Variants in CSMD2 observed in about 807,000 individuals in gnomAD.
CSMD2 encodes the protein CUB and sushi domain-containing protein 2.
A neutral mutation model predicts 398.5 loss-of-function variants in CSMD2; 130 were observed. The observed-to-expected ratio is 0.33, with a 90% CI of 0.28 to 0.38. The LOEUF is 0.38. Ranked by LOEUF, CSMD2 falls within the 10% of genes least tolerant of loss-of-function variation. CSMD2 has a pLI of 1.00. For missense variants in CSMD2, 3,829 were observed against 4,764.9 expected (o/e 0.80, Z 5.78); for synonymous variants, 1,828 against 1,908.5 (o/e 0.96, Z 1.10).
At chr1:34,070,590 C>T (rs1049749023) in intron 2 of CSMD2, among the ~76,000 whole-genome samples, 2 of 152,188 alleles carry the variant, frequency 1.3e-5, no homozygotes, top group Non-Finnish European at 2.9e-5. Context: ...AACAATCAAA[C>T]GGAATTGAGA....
intron 3 of CSMD2, among the ~76,000 whole-genome samples, chr1:33,943,737 G>A (rs927050849): frequency 4.6e-5 from 7 of 152,114 alleles, no homozygotes; most frequent in Non-Finnish European, 7.4e-5. Flanking sequence ...TGTTGTAATT[G>A]TTTCTTTAGG....
intron 15 of CSMD2, among the ~76,000 whole-genome samples, chr1:33,734,559 G>A (rs1038403213): frequency 2.0e-5 from 3 of 152,074 alleles, no homozygotes; most frequent in Admixed American, 6.5e-5. Context: ...GGCCGAGGCT[G>A]GAAGATCATG....
At chr1:33,566,266 T>C (rs1299622649) in intron 53 of CSMD2, among the ~76,000 whole-genome samples, 1 of 148,830 alleles carries the variant, frequency 6.7e-6, no homozygotes. Flanking sequence ...CTAGTAAAAA[T>C]ATTAGACTTT....
At chr1:33,585,492 T>C (rs1639021427) in intron 46 of CSMD2, among the ~76,000 whole-genome samples, 1 of 152,132 alleles carries the variant, frequency 6.6e-6, no homozygotes, top group Non-Finnish European at 1.5e-5. Flanking sequence ...CTCACTGACT[T>C]TTCCCAATAG....
At position 33,755,972 on chromosome 1, in the gene CSMD2, G is replaced by A. The variant is rs184285684; in HGVS notation, c.1847-12366C>T. ...CTTGGACAGGTAGAACTTGAGCATC[G>A]GTGTTCTGAGACAAATTAGAAGGGC... On this transcript the variant is annotated intron_variant, in intron 13 of 70. Coordinates refer to ENST00000373381, the MANE Select transcript of CSMD2 (RefSeq NM_001281956.2). Among the ~76,000 whole-genome samples the A allele has an allele frequency of 2.6e-3, 389 of 151,926 alleles. 1 individual carries two copies. The highest frequency in any genetic ancestry group is 4.2e-3 in the Non-Finnish European group (284 of 67,984).
intron 55 of CSMD2, 85 bp downstream of exon 55, chr1:33,557,648 AC>A (rs1658148351): frequency 1.7e-6 from 2 of 1,154,312 alleles, no homozygotes; most frequent in African/African-American, 1.5e-5. Flanking sequence ...ACACACACAC[AC>A]ACACACACAC....
At chr1:33,754,461 C>T (rs1297038779) in intron 13 of CSMD2, among the ~76,000 whole-genome samples, 2 of 152,186 alleles carry the variant, frequency 1.3e-5, no homozygotes, top group Non-Finnish European at 2.9e-5. Context: ...GGTGCCATGC[C>T]TGTACAGCCT....
At chr1:33,881,633 C>T (rs1641246520) in intron 5 of CSMD2, among the ~76,000 whole-genome samples, 2 of 152,050 alleles carry the variant, frequency 1.3e-5, no homozygotes, top group African/African-American at 2.4e-5. Context: ...GGGATGGAGT[C>T]GGATTATAAA....
Position 34,151,148 on chromosome 1 carries a change from C to T in CSMD2, c.187+13763G>A, listed in dbSNP as rs1379848412. 4.6e-5 allele frequency among the ~76,000 whole-genome samples: 7 copies of T among 152,144 alleles called. No homozygotes were observed. In the East Asian group the frequency reaches 1.4e-3, roughly 29 times the overall value. ...CTGGCACCTTCTGAATGAAGTCTTC[C>T]TTCTTCCCCTCTCCCCCTCTGCTGT... is the stretch of plus-strand genomic sequence containing the variant. On this transcript the variant is annotated intron_variant, in intron 1 of 70. Coordinates refer to ENST00000373381, the MANE Select transcript of CSMD2 (RefSeq NM_001281956.2).
At chr1:33,864,033 A>G (rs1032300048) in intron 5 of CSMD2, 3 of 661,006 alleles carry the variant, frequency 4.5e-6, no homozygotes, top group Non-Finnish European at 7.7e-6. Flanking sequence ...CTGACTCAAC[A>G]ATGCCATCAG....
At position 33,671,218 on chromosome 1, in the gene CSMD2, G is replaced by A. The variant is rs200311844; in HGVS notation, c.4053-8126C>T. On this transcript the variant is annotated intron_variant, in intron 25 of 70. Transcript: ENST00000373381. ...TTCTCCTAGTGAGAGCAGTTTCCTT[G>A]GTGCTGGGGCAGGGCTGAGGGCAGT... 3.9e-5 allele frequency among the ~76,000 whole-genome samples: 6 copies of A among 152,330 alleles called. No homozygotes were observed. The East Asian group carries it at 1.2e-3, about 29-fold the overall frequency.
intron 12 of CSMD2, among the ~76,000 whole-genome samples, chr1:33,787,216 C>T (rs977565730): frequency 2.0e-5 from 3 of 152,204 alleles, no homozygotes; most frequent in African/African-American, 7.2e-5. Context: ...CCTGCTGAGC[C>T]TTGGCGTCAG....
chr1:33,728,905 C>T (rs562832421), intron 15 of CSMD2, among the ~76,000 whole-genome samples: 1 of 152,292 alleles, frequency 6.6e-6, no homozygotes, highest in Non-Finnish European at 1.5e-5. Context: ...TGTGTATTGT[C>T]ACTTCCTGGG....
intron 67 of CSMD2, 97 bp from the exon 68 acceptor site, chr1:33,521,647 G>A: frequency 2.4e-6 from 2 of 817,598 alleles, no homozygotes; most frequent in Non-Finnish European, 4.3e-6. Context: ...GTCACCCACT[G>A]ACCTGCTGCT....
At chr1:33,793,337 G>T (rs997119128) in intron 10 of CSMD2, among the ~76,000 whole-genome samples, 41 of 152,096 alleles carry the variant, frequency 2.7e-4, no homozygotes, top group Non-Finnish European at 5.9e-5. Flanking sequence ...AGGGAGGGAG[G>T]GGGATGCTCT....
rs1271335466 is a variant in CSMD2 at position 33,700,539 on chromosome 1, C to T, written c.3711G>A (p.Lys1237=). Residue 1237 remains lysine (K), a synonymous_variant, in exon 23 of 71, where the codon AAG becomes AAA. Transcript: ENST00000373381. ...TACTGGAAAAGTGCAGTTCAAAGCC[C>T]TTGCTGGTGTTTTCAGCATCAGTGA... ...DFITDAENTS[K]GFELHFSSFE... 1.2e-6 allele frequency: 2 copies of T among 1,614,228 alleles called. No individual in the cohort carries two copies. Among genetic ancestry groups the T allele is most frequent in the Non-Finnish European group, 1.7e-6 (2 of 1,180,042 alleles).
At chr1:33,662,827 G>C in intron 26 of CSMD2, 63 bp downstream of exon 26, 1 of 1,432,456 alleles carries the variant, frequency 7.0e-7, no homozygotes, top group South Asian at 1.2e-5. Flanking sequence ...GTGAGGGCCA[G>C]AGGAAGGTGG....
Position 33,623,426 on chromosome 1 carries a change from G to A in CSMD2, c.5666C>T (p.Ser1889Leu), listed in dbSNP as rs756641349. The change falls in exon 36 of 71, where the codon TCG becomes TTG. Residue 1889 changes from serine (S) to leucine (L), a missense_variant. Ser to Leu is a moderately radical substitution (Grantham distance 145). Coordinates refer to ENST00000373381, the MANE Select transcript of CSMD2 (RefSeq NM_001281956.2). ...ATCTGCACCATCAAATACTTCCAGCGAGTCCCAGTTCTGCTCTGTCACAAA... is the reference window on the plus strand; with the variant it reads ...ATCTGCACCATCAAATACTTCCAGCAAGTCCCAGTTCTGCTCTGTCACAAA... ...VSFVTEQNWD[S>L]LEVFDGADNT... 9 of 1,614,002 alleles carry A rather than the reference G, an allele frequency of 5.6e-6. No homozygotes were observed. Among genetic ancestry groups the A allele is most frequent in the African/African-American group, 5.3e-5 (4 of 74,902 alleles).
At chr1:34,086,402 C>G (rs765634356) in intron 2 of CSMD2, among the ~76,000 whole-genome samples, 3 of 152,198 alleles carry the variant, frequency 2.0e-5, no homozygotes, top group Non-Finnish European at 2.9e-5. Context: ...ACCACATATT[C>G]AAGTGCACGT....
Sources: gnomAD v4.1 joint callset for allele counts (sites outside exome capture counted in the v4.1 genomes callset) on GRCh38, gnomAD v4.1.1 for gene constraint, MANE v1.5 for transcripts, NCBI Gene and HGNC (gene_info 2026-07-23, HGNC 2026-07-21) for gene names.